The following LTBP4 variants were observed in gnomAD, a reference collection of about 807,000 sequenced individuals.
The protein encoded by LTBP4 is latent-transforming growth factor beta-binding protein 4.
In LTBP4, 93 loss-of-function variants were observed where a neutral mutation model predicts 180.2. That is an observed-to-expected ratio of 0.52 (90% CI 0.44 to 0.61). The LOEUF is 0.61. Among genes scored for constraint, LTBP4 ranks in the 20% least tolerant of loss-of-function variants. The probability of loss-of-function intolerance (pLI) is 0.00; values close to 1 mark genes in which losing one functional copy is unlikely to be tolerated. For missense variants in LTBP4, 2,116 were observed against 2,256.5 expected (o/e 0.94, Z 1.26); for synonymous variants, 947 against 934.5 (o/e 1.01, Z -0.24).
At chr19:40,595,491 G>T (rs1053842346) in intron 1 of LTBP4, among the ~76,000 whole-genome samples, 10 of 151,884 alleles carry the variant, frequency 6.6e-5, no homozygotes, top group Admixed American at 3.3e-4. Context: ...GCCCCCTCCT[G>T]CACCTCACTT....
rs145555735 is a variant in LTBP4 at position 40,617,351 on chromosome 19, G to C, written c.3070+126G>C. The C allele has an allele frequency of 7.8e-4, 1,019 of 1,313,508 alleles. 8 individuals carry two copies. Among genetic ancestry groups the C allele is most frequent in the Middle Eastern group, 3.3e-3 (12 of 3,686 alleles). 81.4% of individuals were successfully genotyped at this position (1,313,508 alleles called of 1,614,324 possible). A position where few individuals can be genotyped will look rare whatever the true frequency, so the allele number is the denominator to read the frequency against. ...GTGGAATTTAGACTTTGGAATATAA[G>C]ATCATCTTCATGCCAGGCACGGTGG... On this transcript the variant is annotated intron_variant, in intron 21 of 29. Coordinates refer to ENST00000396819, the MANE Select transcript of LTBP4 (RefSeq NM_001042545.2).
At position 40,605,947 on chromosome 19, in the gene LTBP4, A is replaced by G. The variant is rs1023649523; in HGVS notation, c.793+116A>G. ...CACAAATTGTAGCCACGCCTACCCCATTGTGGAGGCGACTTCCAGTCCTGA... is the reference window on the plus strand; with the variant it reads ...CACAAATTGTAGCCACGCCTACCCCGTTGTGGAGGCGACTTCCAGTCCTGA... On this transcript the variant is annotated intron_variant, in intron 4 of 29. Coordinates refer to ENST00000396819, the MANE Select transcript of LTBP4 (RefSeq NM_001042545.2). This position sits in a 1 kb window ranked among gnomAD's most constrained non-coding sequence, Gnocchi z 5.5. The G allele has an allele frequency of 1.3e-4, 158 of 1,170,420 alleles. No homozygotes were observed. In the Middle Eastern group the frequency reaches 1.7e-3, roughly 13 times the overall value. 72.5% of individuals were successfully genotyped at this position (1,170,420 alleles called of 1,614,324 possible).
chr19:40,612,190 C>T lies in LTBP4; in HGVS notation c.2297C>T (p.Thr766Ile), dbSNP rs536492507. 1.9e-6 allele frequency: 3 copies of T among 1,600,192 alleles called. No homozygotes were observed. Among genetic ancestry groups the T allele is most frequent in the African/African-American group, 1.3e-5 (1 of 74,804 alleles). Residue 766 changes from threonine to isoleucine, a missense_variant and splice_region_variant, in exon 15 of 30, where the codon ACT becomes ATT. Thr to Ile is a moderately conservative substitution (Grantham distance 89). Coordinates refer to ENST00000396819, the MANE Select transcript of LTBP4 (RefSeq NM_001042545.2). Reference sequence around the variant, plus strand: ...CACCACCTGCACCGTGGCAGATGCACTGGTGAGACCAGGCCCTGGCTGTGA... The same window carrying T: ...CACCACCTGCACCGTGGCAGATGCATTGGTGAGACCAGGCCCTGGCTGTGA... ...SGHHLHRGRC[T>I]DVDECSSGAP...
chr19:40,599,119 T>C (rs2081406476), upstream of LTBP4: 1 of 1,365,060 alleles, frequency 7.3e-7, no homozygotes, highest in Non-Finnish European at 1.0e-6. Context: ...GCGTCTTGGT[T>C]TCCCCTCCCC....
chr19:40,606,397 C>A lies in LTBP4; in HGVS notation c.869-7C>A. On this transcript the variant is annotated splice_polypyrimidine_tract_variant and splice_region_variant and intron_variant, in intron 5 of 29. Coordinates refer to ENST00000396819, the MANE Select transcript of LTBP4 (RefSeq NM_001042545.2). ...TGACTCCACGGTGACCTCCCCAACC[C>A]TGGCAGATGTGGATGAGTGCGCGAC... 6.2e-7 allele frequency: 1 copy of A among 1,606,972 alleles called. No individual in the cohort carries two copies. The highest frequency in any genetic ancestry group is 1.1e-5 in the South Asian group (1 of 89,928).
chr19:40,616,940 G>A lies in LTBP4; in HGVS notation c.2864G>A (p.Cys955Tyr). Residue 955 changes from cysteine to tyrosine, a missense_variant, in exon 20 of 30, where the codon TGT becomes TAT. Physicochemically the swap from Cys to Tyr is radical, Grantham distance 194. Around this residue, in one of 5 missense-constraint regions of LTBP4, gnomAD observed 877 missense variants for 873.6 expected, o/e 1.00. Transcript: ENST00000396819. ...CCCGAGATTTGTGGAGCCCAGCGTT[G>A]TGAGAACACCCCTGGCTCCTACCGC... ...YGPEICGAQRCENTPGSYRCT... is the reference protein window; with the variant it reads ...YGPEICGAQRYENTPGSYRCT... The A allele has an allele frequency of 6.2e-7, 1 of 1,614,044 alleles. No homozygotes were observed. The highest frequency in any genetic ancestry group is 8.5e-7 in the Non-Finnish European group (1 of 1,179,896).
In LTBP4 at chr19:40,617,161, C is replaced by T. The variant is rs548566004; in HGVS notation, c.3006C>T (p.Pro1002=). Residue 1002 remains proline (P), a synonymous_variant, in exon 21 of 30, where the codon CCC becomes CCT. Transcript: ENST00000396819. The stretch of plus-strand genomic sequence containing the variant: ...CCCACGCCGTGTGCCAGAACCTGCC[C>T]GGCTCCTTCCAGTGCCTCTGTGACC... The part of the protein sequence containing the change: ...CGAHAVCQNL[P]GSFQCLCDQG... The T allele has an allele frequency of 2.8e-5, 45 of 1,613,832 alleles. No homozygotes were observed. Among genetic ancestry groups the T allele is most frequent in the Admixed American group, 1.8e-4 (11 of 59,982 alleles).
intron 1 of LTBP4, among the ~76,000 whole-genome samples, chr19:40,594,980 C>A (rs369467290): frequency 4.5e-4 from 69 of 151,838 alleles, no homozygotes; most frequent in African/African-American, 1.6e-3. Context: ...CTGGGGTGGG[C>A]TCTGTGGTCA....
rs748266597 is a variant in LTBP4 at position 40,622,993 on chromosome 19, G to A, written c.3528G>A (p.Ala1176=). 1.8e-5 allele frequency: 29 copies of A among 1,612,548 alleles called. No individual in the cohort carries two copies. The highest frequency in any genetic ancestry group is 4.0e-5 in the African/African-American group (3 of 74,836). ...SLCPHGRGYL[A]PSGDLSLRRD... is the part of the protein sequence containing the mutation. ...GCCCTCACGGCCGGGGCTACCTGGCGCCCAGTGGAGACCTGAGCCTCCGGA... is the reference window on the plus strand; with the variant it reads ...GCCCTCACGGCCGGGGCTACCTGGCACCCAGTGGAGACCTGAGCCTCCGGA... Residue 1176 remains alanine, a synonymous_variant, in exon 24 of 30, where the codon GCG becomes GCA. Transcript: ENST00000396819. The surrounding 1 kb of genome is among the most constrained non-coding windows in gnomAD (Gnocchi z 5.1).
At position 40,622,494 on chromosome 19, in the gene LTBP4, C is replaced by G; in HGVS notation, c.3311C>G (p.Pro1104Arg). ...PPPLPRRPST[P>R]RQGPVGSGRR... ...CCCCTGCCCCGCCGACCCAGCACAC[C>G]TAGGCAGGGCCCTGTGGGGAGTGGG... The change falls in exon 23 of 30, where the codon CCT becomes CGT. Residue 1104 changes from proline to arginine, a missense_variant. Transcript: ENST00000396819. This position sits in a 1 kb window ranked among gnomAD's most constrained non-coding sequence, Gnocchi z 5.1. 1 of 1,613,028 alleles carries G rather than the reference C, an allele frequency of 6.2e-7. No individual in the cohort carries two copies. The highest frequency in any genetic ancestry group is 1.7e-4 in the Middle Eastern group (1 of 6,002).
chr19:40,604,920 C>A, intron 1 of LTBP4, 115 bp from the exon 2 acceptor site: 1 of 926,268 alleles, frequency 1.1e-6, no homozygotes, highest in Non-Finnish European at 1.6e-6. Flanking sequence ...GGCGGGGCCA[C>A]ATGACAGCTA....
Position 40,613,955 on chromosome 19 carries a change from G to T in LTBP4, c.2597G>T (p.Gly866Val). The T allele has an allele frequency of 6.2e-7, 1 of 1,613,664 alleles. No individual in the cohort carries two copies. Among genetic ancestry groups the T allele is most frequent in the Non-Finnish European group, 8.5e-7 (1 of 1,179,802 alleles). ...ECSEEDLCQS[G>V]ICTNTDGSFE... ...AGCGAGGAGGACCTTTGCCAGAGCG[G>T]CATCTGTACCAACACCGACGGCTCC... Residue 866 changes from glycine to valine, a missense_variant, in exon 18 of 30, where the codon GGC becomes GTC. This residue lies in a region of LTBP4 where 877 missense variants were observed against 873.6 expected (regional missense o/e 1.00). Transcript: ENST00000396819. This position sits in a 1 kb window ranked among gnomAD's most constrained non-coding sequence, Gnocchi z 5.0.
At chr19:40,619,253 C>A in intron 21 of LTBP4, 94 bp from the exon 22 acceptor site, 5 of 1,247,504 alleles carry the variant, frequency 4.0e-6, no homozygotes, top group East Asian at 2.4e-5. Flanking sequence ...ATTAAATATA[C>A]ACATTATATT....
intron 6 of LTBP4, 120 bp downstream of exon 6, chr19:40,606,646 C>A: frequency 1.6e-6 from 2 of 1,236,244 alleles, no homozygotes; most frequent in Non-Finnish European, 2.2e-6. Context: ...CCTCTGTCAG[C>A]CTTAGAGCCC....
chr19:40,612,009 G>T (rs776528149), intron 14 of LTBP4, 25 bp downstream of exon 14: 10 of 1,612,520 alleles, frequency 6.2e-6, no homozygotes, highest in African/African-American at 1.3e-5. Flanking sequence ...GGAGGGAGGA[G>T]TGTGGATGGG....
chr19:40,596,087 A>T (rs966514911), intron 1 of LTBP4, among the ~76,000 whole-genome samples: 2 of 151,350 alleles, frequency 1.3e-5, no homozygotes, highest in African/African-American at 4.9e-5. Context: ...CACCCAGCTA[A>T]TTTTTGTATT....
chr19:40,605,903 G>T lies in LTBP4; in HGVS notation c.793+72G>T, dbSNP rs1365673478. ...ACAACCTCACCGTTCCTCCTACTCT[G>T]CCCTAGATAAACCCAGTTCACAAAT... On this transcript the variant is annotated intron_variant, in intron 4 of 29. Coordinates refer to ENST00000396819, the MANE Select transcript of LTBP4 (RefSeq NM_001042545.2). The surrounding 1 kb of genome is among the most constrained non-coding windows in gnomAD (Gnocchi z 5.5). 6.9e-7 allele frequency: 1 copy of T among 1,457,552 alleles called. No homozygotes were observed. The highest frequency in any genetic ancestry group is 2.5e-5 in the East Asian group (1 of 40,190). 90.3% of individuals were successfully genotyped at this position (1,457,552 alleles called of 1,614,324 possible). A position where few individuals can be genotyped will look rare whatever the true frequency, so the allele number is the denominator to read the frequency against.
intron 1 of LTBP4, among the ~76,000 whole-genome samples, chr19:40,595,905 ATTTTTTTTTTTTTTTTTT>A (rs60121587): frequency 1.7e-5 from 1 of 60,044 alleles, no homozygotes; most frequent in Non-Finnish European, 2.8e-5. Flanking sequence ...TAATTTTTGG[ATTTTTTTTTTTTTTTTTT>A]TTTTTTTTTT....
intron 21 of LTBP4, 118 bp from the exon 22 acceptor site, chr19:40,619,229 A>G (rs1462752651): frequency 2.0e-6 from 2 of 994,520 alleles, no homozygotes; most frequent in Non-Finnish European, 2.9e-6. Context: ...AAAACAGATG[A>G]TGGGATCTGG....
Sources: allele counts gnomAD v4.1 joint callset (sites outside exome capture counted in the v4.1 genomes callset), GRCh38; gene constraint gnomAD v4.1.1; regional missense constraint gnomAD v4.1.1; non-coding constraint Gnocchi (gnomAD v3.1); transcripts MANE v1.5; gene names NCBI Gene and HGNC (gene_info 2026-07-23, HGNC 2026-07-21).